The following SLC39A11 variants were observed in gnomAD, a reference collection of about 807,000 sequenced individuals.
The protein encoded by SLC39A11 is zinc transporter ZIP11.
A neutral mutation model predicts 36.1 loss-of-function variants in SLC39A11; 33 were observed. The observed-to-expected ratio is 0.91, with a 90% confidence interval of 0.69 to 1.22. The LOEUF (loss-of-function observed/expected upper bound fraction) is 1.22. Among genes scored for constraint, SLC39A11 ranks in the 50% most tolerant of loss-of-function variants. The probability of loss-of-function intolerance (pLI) is 0.00; values close to 1 mark genes in which losing one functional copy is unlikely to be tolerated. For synonymous variants in SLC39A11, 166 were observed against 170.3 expected, an observed-to-expected ratio of 0.97 and a Z score of 0.20; for missense variants, 432 against 430.3, an observed-to-expected ratio of 1.00 and a Z score of -0.03.
rs72843214 is a variant in SLC39A11, at chr17:72,675,165, G to A, written c.672-25897C>T. Reference sequence around the variant, plus strand: ...TGTGTGCCCCCAAATTTCATATTGTGAAACCTAATCACGATTGTGATGGTA... The same window carrying A: ...TGTGTGCCCCCAAATTTCATATTGTAAAACCTAATCACGATTGTGATGGTA... On this transcript the variant is annotated intron_variant, in intron 7 of 9. Coordinates refer to ENST00000255559, the MANE Select transcript of SLC39A11 (RefSeq NM_139177.4). Among the ~76,000 whole-genome samples, 1,388 of 152,238 alleles carry A rather than the reference G, an allele frequency of 9.1e-3. 11 individuals carry two copies. Among genetic ancestry groups the A allele is most frequent in the Non-Finnish European group, 0.015 (1,031 of 68,024 alleles).
intron 7 of SLC39A11, among the ~76,000 whole-genome samples, chr17:72,659,692 C>T (rs1374200728): frequency 6.7e-6 from 1 of 148,404 alleles, no homozygotes; most frequent in Non-Finnish European, 1.5e-5. Context: ...AAGCAATTCT[C>T]CTGCCTCAGC....
chr17:72,948,331 G>C (rs948448916), intron 4 of SLC39A11, among the ~76,000 whole-genome samples: 2 of 151,756 alleles, frequency 1.3e-5, no homozygotes, highest in African/African-American at 4.9e-5. Flanking sequence ...CCCACTGCAA[G>C]CGTCATCGCC....
In SLC39A11 at chr17:72,682,137, C is replaced by A. The variant is rs939216975; in HGVS notation, c.672-32869G>T. ...CTACGTTGTGATGATCGGTCACTGTCCCCCATCACCCCTAGATGGGACGGT... is the reference window on the plus strand; with the variant it reads ...CTACGTTGTGATGATCGGTCACTGTACCCCATCACCCCTAGATGGGACGGT... On this transcript the variant is annotated intron_variant, in intron 7 of 9. Coordinates refer to ENST00000255559, the MANE Select transcript of SLC39A11 (RefSeq NM_139177.4). 2.1e-5 allele frequency among the ~76,000 whole-genome samples: 3 copies of A among 144,256 alleles called. No homozygotes were observed. In the East Asian group the frequency reaches 5.8e-4, roughly 28 times the overall value. 94.6% of individuals were successfully genotyped at this position (144,256 alleles called of 152,430 possible). A position where few individuals can be genotyped will look rare whatever the true frequency, so the allele number is the denominator to read the frequency against.
intron 3 of SLC39A11, among the ~76,000 whole-genome samples, chr17:73,037,732 G>T (rs2058969571): frequency 6.6e-6 from 1 of 152,148 alleles, no homozygotes. Context: ...ACATGGCAGG[G>T]GCCTCGCTGT....
intron 5 of SLC39A11, 135 bp from the exon 6 acceptor site, chr17:72,849,939 C>A (rs575276322): frequency 1.8e-4 from 152 of 842,266 alleles, no homozygotes; most frequent in Non-Finnish European, 2.5e-4. Context: ...TGTCACCCAG[C>A]CTGGAGGGCA....
At chr17:72,648,202 T>C (rs2069658263) in intron 9 of SLC39A11, among the ~76,000 whole-genome samples, 3 of 151,648 alleles carry the variant, frequency 2.0e-5, no homozygotes, top group African/African-American at 7.3e-5. Flanking sequence ...TAGTGGTGGT[T>C]GCCTGTAGTC....
chr17:72,648,354 C>CA (rs1162270653), intron 9 of SLC39A11, among the ~76,000 whole-genome samples: 1 of 39,610 alleles, frequency 2.5e-5, no homozygotes, highest in East Asian at 9.4e-4. Context: ...AAAAGAAAAA[C>CA]AAAACAAAAC....
rs116255782 is a variant in SLC39A11, at chr17:73,061,492, T to C, written c.147+23316A>G. On this transcript the variant is annotated intron_variant, in intron 3 of 9. Coordinates refer to ENST00000255559, the MANE Select transcript of SLC39A11 (RefSeq NM_139177.4). ...CATGCTAAGTCAGTTGATTGTGAAA[T>C]TGTTAAGATATAGAAGCTGAATGAA... Among the ~76,000 whole-genome samples, 1,158 of 152,310 alleles carry C rather than the reference T, an allele frequency of 7.6e-3. 8 individuals are homozygous for C. The highest frequency in any genetic ancestry group is 0.026 in the African/African-American group (1,088 of 41,560).
chr17:72,841,837 G>C (rs967854102), intron 6 of SLC39A11, among the ~76,000 whole-genome samples: 1 of 151,852 alleles, frequency 6.6e-6, no homozygotes, highest in Admixed American at 6.6e-5. Flanking sequence ...TAAGGCGGGA[G>C]AATCTATTGA....
intron 6 of SLC39A11, among the ~76,000 whole-genome samples, chr17:72,748,069 C>A (rs1435282473): frequency 6.6e-6 from 1 of 152,150 alleles, no homozygotes; most frequent in East Asian, 1.9e-4. Context: ...CGCCTGTAAT[C>A]CCAGCACTTT....
chr17:72,939,399 C>T (rs889257547), intron 5 of SLC39A11, among the ~76,000 whole-genome samples: 4 of 150,096 alleles, frequency 2.7e-5, no homozygotes, highest in Non-Finnish European at 5.9e-5. Context: ...GCGGAGGTTG[C>T]AGTGAGCTGA....
chr17:72,985,122 ACG>A lies in SLC39A11; in HGVS notation c.307-37249_307-37248del, dbSNP rs1568070606. 1.4e-4 allele frequency among the ~76,000 whole-genome samples: 21 copies of A among 152,266 alleles called. No homozygotes were observed. In the East Asian group the frequency reaches 1.7e-3, roughly 13 times the overall value. ...ACCTCCCTAGGAATGTGCACACTCCACGTGGCTGACGCCACTCCACAAGGCAC... is the reference window on the plus strand; with the variant it reads ...ACCTCCCTAGGAATGTGCACACTCCATGGCTGACGCCACTCCACAAGGCAC... On this transcript the variant is annotated intron_variant, in intron 4 of 9. Coordinates refer to ENST00000255559, the MANE Select transcript of SLC39A11 (RefSeq NM_139177.4).
At chr17:72,883,016 C>T (rs1441585590) in intron 5 of SLC39A11, among the ~76,000 whole-genome samples, 3 of 151,826 alleles carry the variant, frequency 2.0e-5, no homozygotes, top group South Asian at 2.1e-4. Context: ...AGGCTGGTCT[C>T]GAATTCCTGG....
intron 5 of SLC39A11, among the ~76,000 whole-genome samples, chr17:72,860,938 C>T (rs773335766): frequency 3.9e-5 from 6 of 152,168 alleles, no homozygotes; most frequent in Non-Finnish European, 7.3e-5. Context: ...ACCCACTCTA[C>T]AGGATTGTTG....
chr17:72,866,219 T>C (rs926355031), intron 5 of SLC39A11, among the ~76,000 whole-genome samples: 1 of 152,122 alleles, frequency 6.6e-6, no homozygotes, highest in Non-Finnish European at 1.5e-5. Flanking sequence ...CCACGAACCA[T>C]ATTGTGAACT....
At chr17:72,750,922 C>T (rs940144221) in intron 6 of SLC39A11, among the ~76,000 whole-genome samples, 3 of 152,116 alleles carry the variant, frequency 2.0e-5, no homozygotes, top group African/African-American at 7.2e-5. Flanking sequence ...AAGATGATGT[C>T]TGAGAAGCTG....
intron 2 of SLC39A11, among the ~76,000 whole-genome samples, chr17:73,086,032 T>A (rs1345457798): frequency 6.6e-6 from 1 of 152,192 alleles, no homozygotes; most frequent in African/African-American, 2.4e-5. Flanking sequence ...ACTATATGAT[T>A]ACTCCATCTA....
intron 4 of SLC39A11, among the ~76,000 whole-genome samples, chr17:73,000,280 CCT>C (rs1218115447): frequency 2.7e-5 from 4 of 150,482 alleles, no homozygotes; most frequent in South Asian, 2.1e-4. Context: ...TCCTTTCTCC[CCT>C]CTCTCTCTGC....
At chr17:72,821,406 G>A (rs1410450767) in intron 6 of SLC39A11, among the ~76,000 whole-genome samples, 4 of 149,156 alleles carry the variant, frequency 2.7e-5, no homozygotes, top group African/African-American at 9.8e-5. Context: ...CTCAGGAGGC[G>A]GAGGCACAAG....
Sources: allele counts gnomAD v4.1 joint callset (sites outside exome capture counted in the v4.1 genomes callset), GRCh38; gene constraint gnomAD v4.1.1; transcripts MANE v1.5; gene names NCBI Gene and HGNC (gene_info 2026-07-23, HGNC 2026-07-21).